GK: variants seen among roughly 807,000 people sequenced by gnomAD.
GK encodes glycerol kinase, also known as ATP:glycerol 3-phosphotransferase.
A neutral mutation model predicts 56.4 loss-of-function variants in GK; 9 were observed. That is an observed-to-expected ratio of 0.16 (90% confidence interval 0.10 to 0.28). The LOEUF (loss-of-function observed/expected upper bound fraction) is 0.28. Among genes scored for constraint, GK ranks in the 10% least tolerant of loss-of-function variants. The pLI is 1.00. For missense variants in GK, 161 were observed against 431.4 expected (o/e 0.37, Z 5.55); for synonymous variants, 104 against 144.1 (o/e 0.72, Z 1.99).
intron 11 of GK, among the ~76,000 whole-genome samples, chrX:30,704,114 T>A (rs1051030640): frequency 8.3e-5 from 6 of 72,240 alleles, no homozygotes; most frequent in Middle Eastern, 6.5e-3. Flanking sequence ...AGAAAAACAA[T>A]GCAGTTATTC....
intron 3 of GK, among the ~76,000 whole-genome samples, chrX:30,672,750 G>A (rs1933616648): frequency 9.0e-6 from 1 of 111,062 alleles, no homozygotes; most frequent in South Asian, 3.8e-4. Context: ...GGAGGCAGAG[G>A]TTGCGGTGAG....
chrX:30,673,431 A>C (rs1866876099), intron 3 of GK, among the ~76,000 whole-genome samples: 2 of 112,344 alleles, frequency 1.8e-5, no homozygotes, highest in Admixed American at 9.5e-5. Flanking sequence ...ATGTGCTGAG[A>C]TTAGCAGTTG....
At chrX:30,667,202 A>G (rs1270731833) in intron 2 of GK, among the ~76,000 whole-genome samples, 1 of 111,873 alleles carries the variant, frequency 8.9e-6, no homozygotes, top group Non-Finnish European at 1.9e-5. Flanking sequence ...TAGAGACAGA[A>G]TTCAAAGCCC....
At chrX:30,728,692 A>G (rs370376648) in intron 20 of GK, 40 bp from the exon 21 acceptor site, 434 of 952,806 alleles carry the variant, frequency 4.6e-4, no homozygotes, top group Non-Finnish European at 5.9e-4. Context: ...AATTGTATGC[A>G]TGTATTATTG....
At chrX:30,658,223 G>A (rs1391778186) in intron 1 of GK, among the ~76,000 whole-genome samples, 3 of 112,263 alleles carry the variant, frequency 2.7e-5, no homozygotes, top group Non-Finnish European at 3.8e-5. Context: ...CCCATTATGG[G>A]CCAGGGACTA....
intron 18 of GK, 164 bp from the exon 19 acceptor site, chrX:30,723,937 T>A: frequency 2.1e-6 from 1 of 481,315 alleles, no homozygotes; most frequent in Admixed American, 2.9e-5. Flanking sequence ...TCACTGGCAG[T>A]CATCAGCAAC....
At chrX:30,678,045 G>C in intron 4 of GK, 1 of 541,091 alleles carries the variant, frequency 1.8e-6, no homozygotes, top group Non-Finnish European at 3.4e-6. Context: ...AACCCCTGCT[G>C]TTTGTGACAT....
intron 16 of GK, 95 bp downstream of exon 16, chrX:30,720,190 T>C (rs913966476): frequency 6.9e-6 from 4 of 575,845 alleles, no homozygotes; most frequent in African/African-American, 2.2e-5. Flanking sequence ...ACTGAAAATG[T>C]AGTTAATCAA....
At chrX:30,688,521 AAGGG>A (rs1418509719) in intron 4 of GK, among the ~76,000 whole-genome samples, 1 of 108,564 alleles carries the variant, frequency 9.2e-6, no homozygotes, top group Non-Finnish European at 1.9e-5. Flanking sequence ...AAAAAAAAAA[AAGGG>A]AGAGAGAGAG....
intron 18 of GK, among the ~76,000 whole-genome samples, chrX:30,722,764 T>A (rs965957108): frequency 9.1e-6 from 1 of 110,421 alleles, no homozygotes; most frequent in Non-Finnish European, 1.9e-5. Flanking sequence ...GTAGCTGACA[T>A]CCTGGGGTGT....
At chrX:30,711,104 A>G (rs771934074) in intron 13 of GK, among the ~76,000 whole-genome samples, 1 of 90,467 alleles carries the variant, frequency 1.1e-5, no homozygotes, top group Admixed American at 1.2e-4. Context: ...ATTCCCACCT[A>G]CTTTTTTCCT....
chrX:30,713,894 C>T (rs747909692), intron 13 of GK, among the ~76,000 whole-genome samples: 36 of 112,062 alleles, frequency 3.2e-4, no homozygotes, highest in Non-Finnish European at 4.5e-4. Context: ...TTCCATGTTC[C>T]GTGTTTTGTC....
At chrX:30,721,888 G>A (rs769270916) in intron 18 of GK, 3 of 112,500 alleles carry the variant, frequency 2.7e-5, no homozygotes, top group Admixed American at 9.4e-5. Context: ...TTAAATAAAT[G>A]TAGAAAAATA....
intron 13 of GK, among the ~76,000 whole-genome samples, chrX:30,712,558 T>C (rs766695162): frequency 2.6e-4 from 28 of 105,716 alleles, no homozygotes; most frequent in Admixed American, 8.2e-4. Context: ...TCAGTTCTCT[T>C]TTTTTTTTAT....
chrX:30,690,713 A>C (rs1010453946), intron 4 of GK, among the ~76,000 whole-genome samples: 3 of 111,829 alleles, frequency 2.7e-5, no homozygotes, highest in Admixed American at 1.9e-4. Flanking sequence ...GTTAAGATGC[A>C]CACTTTATAT....
chrX:30,723,611 TTTTGTTTG>T (rs201175614), intron 18 of GK: 14,121 of 150,433 alleles, frequency 0.094, 886 homozygotes, highest in East Asian at 0.37. Flanking sequence ...CCTATCCTGT[TTTTGTTTG>T]TTTGTTTGTT....
At chrX:30,654,566 A>G (rs954044973) in intron 1 of GK, among the ~76,000 whole-genome samples, 12 of 110,116 alleles carry the variant, frequency 1.1e-4, no homozygotes, top group Non-Finnish European at 2.3e-4. Context: ...AACCTGGCAT[A>G]ACAAAAATTA....
At chrX:30,681,078 A>T (rs893368090) in intron 4 of GK, among the ~76,000 whole-genome samples, 7 of 112,120 alleles carry the variant, frequency 6.2e-5, no homozygotes, top group Admixed American at 2.9e-4. Context: ...CATACGCATT[A>T]TCTAGTTTTC....
Position 30,665,492 on chromosome X carries a change from A to G in GK, c.79-19A>G, listed in dbSNP as rs1569143421. On this transcript the variant is annotated intron_variant, in intron 1 of 20. Coordinates refer to ENST00000427190, the MANE Select transcript of GK (RefSeq NM_001205019.2). The stretch of plus-strand genomic sequence containing the variant: ...TATCTGCCTGCATTTTTACATTAAT[A>G]TTACAATATCTTTTTCAGGTTTTCA... The G allele has an allele frequency of 1.1e-6, 1 of 950,761 alleles. No homozygotes were observed. The highest frequency in any genetic ancestry group is 1.9e-5 in the African/African-American group (1 of 53,121). 78.4% of individuals were successfully genotyped at this position (950,761 alleles called of 1,213,427 possible). A position where few individuals can be genotyped will look rare whatever the true frequency, so the allele number is the denominator to read the frequency against.
Sources: gnomAD v4.1 joint callset for allele counts (sites outside exome capture counted in the v4.1 genomes callset) on GRCh38, gnomAD v4.1.1 for gene constraint, MANE v1.5 for transcripts, NCBI Gene and HGNC (gene_info 2026-07-23, HGNC 2026-07-21) for gene names.